ARHGAP10: variants seen among roughly 807,000 people sequenced by gnomAD.
The protein encoded by ARHGAP10 is Rho GTPase activating protein 10.
ARHGAP10 carries 87 observed loss-of-function variants against 108.6 expected under a neutral mutation model. The ratio of observed to expected loss-of-function variants is 0.80; its 90% CI spans 0.67 to 0.96. The LOEUF is 0.96. Ranked by LOEUF, ARHGAP10 falls within the 40% of genes least tolerant of loss-of-function variation. The probability of loss-of-function intolerance (pLI) is 0.00; values close to 1 mark genes in which losing one functional copy is unlikely to be tolerated. For missense variants in ARHGAP10, 939 were observed against 954.5 expected (o/e 0.98, Z 0.21); for synonymous variants, 347 against 341.1 (o/e 1.02, Z -0.19).
chr4:147,921,144 T>C lies in ARHGAP10; in HGVS notation c.1228+8005T>C, dbSNP rs59860658. On this transcript the variant is annotated intron_variant, in intron 13 of 22. Transcript: ENST00000336498. ...ATAGGTTTGGCAGTGGGGTAGATAGTGCAGATACAGCCGAATGATTTTGCT... is the reference window on the plus strand; with the variant it reads ...ATAGGTTTGGCAGTGGGGTAGATAGCGCAGATACAGCCGAATGATTTTGCT... Among the ~76,000 whole-genome samples the C allele has an allele frequency of 7.0e-3, 1,065 of 152,334 alleles. 18 individuals are homozygous for C. The highest frequency in any genetic ancestry group is 0.024 in the African/African-American group (1,014 of 41,584).
intron 4 of ARHGAP10, among the ~76,000 whole-genome samples, chr4:147,856,594 G>T (rs1035672906): frequency 6.6e-6 from 1 of 152,028 alleles, no homozygotes; most frequent in Non-Finnish European, 1.5e-5. Flanking sequence ...TTACCTTTAG[G>T]CTATGTGTGA....
intron 6 of ARHGAP10, chr4:147,865,839 T>G (rs1232710049): frequency 6.6e-6 from 1 of 152,256 alleles, no homozygotes; most frequent in African/African-American, 2.4e-5. Context: ...GCTTTCTTTT[T>G]AATGTGAAAT....
At chr4:147,912,326 G>C (rs919271541) in intron 12 of ARHGAP10, among the ~76,000 whole-genome samples, 2 of 151,332 alleles carry the variant, frequency 1.3e-5, no homozygotes, top group Non-Finnish European at 2.9e-5. Flanking sequence ...GATCACCTGA[G>C]GTCAGGAATT....
rs143843691 is a variant in ARHGAP10 at position 148,024,547 on chromosome 4, CAG to C, written c.1867+1135_1867+1136del. Among the ~76,000 whole-genome samples the C allele has an allele frequency of 3.9e-5, 6 of 152,308 alleles. No homozygotes were observed. The East Asian group carries it at 9.7e-4, about 25-fold the overall frequency. The stretch of plus-strand genomic sequence containing the variant: ...ACTCGGAATGCCTCCTGTAATGACA[CAG>C]GGGGACTAAAATGTGGGATTCTTTT... On this transcript the variant is annotated intron_variant, in intron 19 of 22. Transcript: ENST00000336498.
At position 148,023,276 on chromosome 4, in the gene ARHGAP10, C is replaced by T. The variant is rs200329568; in HGVS notation, c.1730C>T (p.Pro577Leu). Residue 577 changes from proline to leucine, a missense_variant, in exon 19 of 23, where the codon CCG (proline) becomes CTG (leucine). Pro to Leu is a moderately conservative substitution (Grantham distance 98). Coordinates refer to ENST00000336498, the MANE Select transcript of ARHGAP10 (RefSeq NM_024605.4). ...IENHEKIFRT[P>L]PDTTFPEPTC... ...CTTTGTTGGAAGATTTTTCGGACGC[C>T]GCCCGATACTACATTCCCTGAGCCC... 880 of 1,613,638 alleles carry T rather than the reference C, an allele frequency of 5.5e-4. 4 individuals carry two copies. The highest frequency in any genetic ancestry group is 1.6e-4 in the Middle Eastern group (1 of 6,084).
chr4:147,899,239 C>T (rs1476560221), intron 10 of ARHGAP10, among the ~76,000 whole-genome samples: 1 of 152,032 alleles, frequency 6.6e-6, no homozygotes, highest in Non-Finnish European at 1.5e-5. Context: ...TGTTAAAATT[C>T]CACTGTTTTC....
chr4:148,042,252 GA>G, intron 19 of ARHGAP10, among the ~76,000 whole-genome samples: 1 of 152,244 alleles, frequency 6.6e-6, no homozygotes, highest in East Asian at 1.9e-4. Flanking sequence ...TTTGTTCACT[GA>G]GTTCTAATGA....
chr4:147,955,840 A>G (rs1191667293), intron 16 of ARHGAP10, among the ~76,000 whole-genome samples: 1 of 152,134 alleles, frequency 6.6e-6, no homozygotes, highest in Non-Finnish European at 1.5e-5. Context: ...AAGGAATATT[A>G]TGAGATAATG....
intron 10 of ARHGAP10, 74 bp from the exon 11 acceptor site, chr4:147,906,563 CA>C (rs1736503356): frequency 2.0e-5 from 29 of 1,448,226 alleles, no homozygotes; most frequent in Middle Eastern, 3.5e-4. Flanking sequence ...AAAATGGTTA[CA>C]ACAGTTAAAT....
chr4:147,925,672 C>T (rs1737435224), intron 13 of ARHGAP10, among the ~76,000 whole-genome samples: 1 of 152,158 alleles, frequency 6.6e-6, no homozygotes, highest in South Asian at 2.1e-4. Flanking sequence ...AATCTAAATT[C>T]AAGACAGAGA....
At chr4:147,965,193 G>C in intron 17 of ARHGAP10, 64 bp downstream of exon 17, 1 of 1,304,758 alleles carries the variant, frequency 7.7e-7, no homozygotes. Flanking sequence ...TAGTGCTCTG[G>C]GATTTGTGAC....
At chr4:147,877,327 T>G (rs1398735096) in intron 8 of ARHGAP10, among the ~76,000 whole-genome samples, 2 of 152,148 alleles carry the variant, frequency 1.3e-5, no homozygotes, top group Admixed American at 1.3e-4. Flanking sequence ...AAGCAATGTT[T>G]CCCAAATTCA....
chr4:147,829,889 G>C (rs1732876622), intron 3 of ARHGAP10, among the ~76,000 whole-genome samples: 1 of 152,182 alleles, frequency 6.6e-6, no homozygotes, highest in Non-Finnish European at 1.5e-5. Context: ...TGGCAAATAA[G>C]GGCAATTGGT....
At chr4:148,014,516 A>C (rs971236989) in intron 18 of ARHGAP10, among the ~76,000 whole-genome samples, 10 of 152,220 alleles carry the variant, frequency 6.6e-5, no homozygotes, top group Non-Finnish European at 1.2e-4. Flanking sequence ...ATGGGGAGAA[A>C]GTTTACATAG....
At chr4:148,057,393 AG>A (rs1438913252) in intron 20 of ARHGAP10, among the ~76,000 whole-genome samples, 19 of 152,158 alleles carry the variant, frequency 1.2e-4, no homozygotes, top group African/African-American at 4.1e-4. Context: ...AAAGGACTTG[AG>A]GGTCTGAGAT....
At chr4:147,935,765 A>G (rs1325747841) in intron 13 of ARHGAP10, among the ~76,000 whole-genome samples, 1 of 152,240 alleles carries the variant, frequency 6.6e-6, no homozygotes, top group Non-Finnish European at 1.5e-5. Context: ...CAAGAAATAG[A>G]AAATCGAACA....
At chr4:148,025,063 T>G (rs529948782) in intron 19 of ARHGAP10, among the ~76,000 whole-genome samples, 41 of 152,334 alleles carry the variant, frequency 2.7e-4, no homozygotes, top group African/African-American at 8.2e-4. Flanking sequence ...TCAAATTTAT[T>G]TAGTGGATTA....
intron 13 of ARHGAP10, among the ~76,000 whole-genome samples, chr4:147,933,868 A>T (rs1400646310): frequency 6.6e-6 from 1 of 152,156 alleles, no homozygotes; most frequent in Non-Finnish European, 1.5e-5. Flanking sequence ...TGTATGTCTC[A>T]TAGTAGGTCT....
chr4:147,841,888 T>C (rs528683473), intron 3 of ARHGAP10, among the ~76,000 whole-genome samples: 19 of 152,184 alleles, frequency 1.2e-4, no homozygotes, highest in Non-Finnish European at 2.2e-4. Context: ...TTTTGGAAAT[T>C]TGCTTACCGA....
Sources: gnomAD v4.1 joint callset for allele counts (sites outside exome capture counted in the v4.1 genomes callset) on GRCh38, gnomAD v4.1.1 for gene constraint, MANE v1.5 for transcripts, NCBI Gene and HGNC (gene_info 2026-07-23, HGNC 2026-07-21) for gene names.